The following MAP3K7CL variants were observed in gnomAD, a reference collection of about 807,000 sequenced individuals.
MAP3K7CL encodes MAP3K7 C-terminal-like protein.
A neutral mutation model predicts 18.6 loss-of-function variants in MAP3K7CL; 16 were observed. That is an observed-to-expected ratio of 0.86 (90% CI 0.58 to 1.31). The LOEUF (loss-of-function observed/expected upper bound fraction) is 1.31. MAP3K7CL is among the 50% of genes most tolerant of loss of function. The pLI, the probability that MAP3K7CL is intolerant of heterozygous loss-of-function variation, is 0.00. For missense variants in MAP3K7CL, 163 were observed against 174.4 expected (o/e 0.93, Z 0.37); for synonymous variants, 65 against 66.8 (o/e 0.97, Z 0.13).
intron 4 of MAP3K7CL, among the ~76,000 whole-genome samples, chr21:29,124,595 A>G (rs2086653086): frequency 6.6e-6 from 1 of 152,238 alleles, no homozygotes; most frequent in African/African-American, 2.4e-5. Flanking sequence ...TGTTGGCTAT[A>G]CAAATCAAGG....
chr21:29,146,732 G>C (rs997732133), intron 2 of MAP3K7CL, among the ~76,000 whole-genome samples: 6 of 152,212 alleles, frequency 3.9e-5, no homozygotes, highest in Non-Finnish European at 1.5e-5. Context: ...TTCAAATTTG[G>C]TGATGCATTG....
At chr21:29,168,666 G>A (rs1386178714) in intron 4 of MAP3K7CL, among the ~76,000 whole-genome samples, 1 of 152,234 alleles carries the variant, frequency 6.6e-6, no homozygotes, top group East Asian at 1.9e-4. Flanking sequence ...TTGTCTGCCC[G>A]AAACTATATT....
chr21:29,108,948 G>C, intron 4 of MAP3K7CL: 1 of 1,110,478 alleles, frequency 9.0e-7, no homozygotes. Context: ...TGAATGCTTT[G>C]GTTACAGTCT....
At chr21:29,082,267 A>T (rs902436346), upstream of MAP3K7CL, among the ~76,000 whole-genome samples, 1 of 152,166 alleles carries the variant, frequency 6.6e-6, no homozygotes, top group African/African-American at 2.4e-5. Flanking sequence ...TTAGTTAGCG[A>T]TTGTTGTGTA....
At chr21:29,139,452 C>T (rs940335218) in intron 2 of MAP3K7CL, 2 of 152,326 alleles carry the variant, frequency 1.3e-5, no homozygotes, top group Middle Eastern at 3.4e-3. Context: ...TCCCCTTGTC[C>T]TCCTCAGGAT....
At chr21:29,147,032 CCAA>C (rs376975295) in intron 2 of MAP3K7CL, among the ~76,000 whole-genome samples, 158 of 152,202 alleles carry the variant, frequency 1.0e-3, no homozygotes, top group African/African-American at 3.7e-3. Flanking sequence ...AAAAAGAACA[CCAA>C]CAAGTTTTTA....
intron 4 of MAP3K7CL, among the ~76,000 whole-genome samples, chr21:29,102,328 G>A (rs987307745): frequency 1.3e-5 from 2 of 152,152 alleles, no homozygotes; most frequent in Admixed American, 6.5e-5. Context: ...TTTCAAGTCA[G>A]TTGACTTAAC....
intron 4 of MAP3K7CL, among the ~76,000 whole-genome samples, chr21:29,124,973 C>T (rs1000024976): frequency 4.6e-5 from 7 of 152,142 alleles, no homozygotes; most frequent in African/African-American, 1.7e-4. Context: ...GTTTGTCAAC[C>T]TAGATGAAAA....
intron 2 of MAP3K7CL, among the ~76,000 whole-genome samples, chr21:29,146,372 G>A (rs28497661): frequency 0.02 from 2,996 of 152,292 alleles, 95 homozygotes; most frequent in African/African-American, 0.067. Flanking sequence ...GAATGTAAAC[G>A]CACTTAAGAA....
At chr21:29,128,594 G>A (rs541528621), upstream of MAP3K7CL, among the ~76,000 whole-genome samples, 11 of 152,246 alleles carry the variant, frequency 7.2e-5, no homozygotes, top group African/African-American at 2.2e-4. Context: ...GAGCCACCGC[G>A]CCCGGCCAAT....
intron 4 of MAP3K7CL, among the ~76,000 whole-genome samples, chr21:29,094,869 C>A (rs1436540046): frequency 6.6e-6 from 1 of 152,060 alleles, no homozygotes; most frequent in Non-Finnish European, 1.5e-5. Flanking sequence ...CCAGCCTGGG[C>A]AATATGGCAA....
intron 4 of MAP3K7CL, among the ~76,000 whole-genome samples, chr21:29,105,865 G>C (rs959210943): frequency 7.9e-5 from 12 of 152,102 alleles, no homozygotes; most frequent in Non-Finnish European, 1.6e-4. Context: ...TGTTGGAAGA[G>C]GGCTACATAG....
intron 4 of MAP3K7CL, among the ~76,000 whole-genome samples, chr21:29,104,368 T>C (rs775914153): frequency 1.3e-5 from 2 of 152,216 alleles, no homozygotes; most frequent in Non-Finnish European, 2.9e-5. Context: ...AGAAAATCAC[T>C]TTCCCTACCT....
At chr21:29,095,929 T>C (rs2086114712) in intron 4 of MAP3K7CL, among the ~76,000 whole-genome samples, 1 of 152,220 alleles carries the variant, frequency 6.6e-6, no homozygotes, top group Admixed American at 6.5e-5. Flanking sequence ...CTTGATAGTA[T>C]CAGCTGTTTA....
upstream of MAP3K7CL, among the ~76,000 whole-genome samples, chr21:29,081,217 T>C (rs566855040): frequency 6.6e-6 from 1 of 152,298 alleles, no homozygotes; most frequent in East Asian, 1.9e-4. Context: ...AAAGGCCAAA[T>C]TATATAAATT....
At chr21:29,078,394 T>C (rs1311144367) in intron 1 of MAP3K7CL, among the ~76,000 whole-genome samples, 1 of 152,228 alleles carries the variant, frequency 6.6e-6, no homozygotes, top group Non-Finnish European at 1.5e-5. Flanking sequence ...CAATAATTTA[T>C]ACCCTTATTC....
At chr21:29,112,000 C>T (rs2146562346) in intron 4 of MAP3K7CL, among the ~76,000 whole-genome samples, 1 of 152,112 alleles carries the variant, frequency 6.6e-6, no homozygotes, top group Admixed American at 6.6e-5. Context: ...TCTTTCATTG[C>T]AAAATCTTTT....
chr21:29,163,652 C>T (rs905317619), intron 4 of MAP3K7CL, among the ~76,000 whole-genome samples: 2 of 151,666 alleles, frequency 1.3e-5, no homozygotes, highest in Non-Finnish European at 2.9e-5. Context: ...CACTGAGCCC[C>T]TGTTCACACC....
chr21:29,085,894 T>C (rs1047069477), exon 1 of MAP3K7CL: 2 of 1,614,026 alleles, frequency 1.2e-6, no homozygotes, highest in Non-Finnish European at 8.5e-7. Context: ...AGAAGTTATG[T>C]GGAACGAGGC....
Sources: allele counts gnomAD v4.1 joint callset (sites outside exome capture counted in the v4.1 genomes callset), GRCh38; gene constraint gnomAD v4.1.1; transcripts MANE v1.5; gene names NCBI Gene and HGNC (gene_info 2026-07-23, HGNC 2026-07-21).